DPEP1: variants seen among roughly 807,000 people sequenced by gnomAD.
The protein encoded by DPEP1 is beta-lactamase.
DPEP1 carries 50 observed loss-of-function variants against 42.3 expected under a neutral mutation model. The observed-to-expected ratio is 1.18, with a 90% CI of 0.94 to 1.50. The LOEUF (loss-of-function observed/expected upper bound fraction) is 1.50, where lower values mean the gene tolerates loss of function less well. Among genes scored for constraint, DPEP1 ranks in the 40% most tolerant of loss-of-function variants. The pLI is 0.00. For missense variants in DPEP1, 663 were observed against 553.0 expected (o/e 1.20, Z -1.99); for synonymous variants, 297 against 234.0 (o/e 1.27, Z -2.46).
Position 89,617,539 on chromosome 16 carries a change from C to T in DPEP1, c.-107+3820C>T, listed in dbSNP as rs145835496. Among the ~76,000 whole-genome samples, 723 of 151,980 alleles carry T rather than the reference C, an allele frequency of 4.8e-3. 6 individuals carry two copies. The highest frequency in any genetic ancestry group is 0.014 in the African/African-American group (582 of 41,272). On this transcript the variant is annotated intron_variant, in intron 1 of 10. Transcript: ENST00000690203. ...AAAGGACAGGAGCCCACACCTGTGCCGGTCTGTGCCAGAAATGCTGGAAGG... is the reference window on the plus strand; with the variant it reads ...AAAGGACAGGAGCCCACACCTGTGCTGGTCTGTGCCAGAAATGCTGGAAGG...
Position 89,636,703 on chromosome 16 carries a change from A to T in DPEP1, c.521+20A>T, listed in dbSNP as rs1310850920. On this transcript the variant is annotated intron_variant, in intron 5 of 10. Coordinates refer to ENST00000690203, the MANE Select transcript of DPEP1 (RefSeq NM_001389466.1). ...GCCCTGGTGCGTGACTCCCCATGGG[A>T]GGCCCCCGGGCTGTGGTCAGGAGGG... is the stretch of plus-strand genomic sequence containing the variant. The T allele has an allele frequency of 1.7e-5, 28 of 1,611,166 alleles. No homozygotes were observed. Among genetic ancestry groups the T allele is most frequent in the Non-Finnish European group, 2.3e-5 (27 of 1,179,426 alleles).
rs574507767 is a variant in DPEP1, at chr16:89,638,281, C to T, written c.*59C>T. On this transcript the variant is annotated 3_prime_UTR_variant, in exon 11 of 11. Coordinates refer to ENST00000690203, the MANE Select transcript of DPEP1 (RefSeq NM_001389466.1). ...CGGAGCTCCGGGAAGACCCGCCCATCCCAGGACTCCAGATGCCAGGAGCCC... is the reference window on the plus strand; with the variant it reads ...CGGAGCTCCGGGAAGACCCGCCCATTCCAGGACTCCAGATGCCAGGAGCCC... 4 of 1,479,824 alleles carry T rather than the reference C, an allele frequency of 2.7e-6. No individual in the cohort carries two copies. The highest frequency in any genetic ancestry group is 2.8e-5 in the African/African-American group (2 of 70,652). 91.7% of individuals were successfully genotyped at this position (1,479,824 alleles called of 1,614,324 possible).
chr16:89,615,961 C>T lies in DPEP1; in HGVS notation c.-107+2242C>T, dbSNP rs144074663. 3.3e-3 allele frequency among the ~76,000 whole-genome samples: 504 copies of T among 152,212 alleles called. 1 individual carries two copies. The highest frequency in any genetic ancestry group is 5.5e-3 in the Non-Finnish European group (374 of 67,994). ...AGGCGCAGGGCTCAGGCGTCCCCTA[C>T]GTGTCGTGTCCCCAGGCAGGAGAAT... is the stretch of plus-strand genomic sequence containing the variant. On this transcript the variant is annotated intron_variant, in intron 1 of 10. Transcript: ENST00000690203.
rs754660029 is a variant in DPEP1, at chr16:89,636,283, C to T, written c.257C>T (p.Pro86Leu). Residue 86 changes from proline to leucine, a missense_variant, in exon 4 of 11, where the codon CCC becomes CTC. Physicochemically the swap from Pro to Leu is moderately conservative, Grantham distance 98. Transcript: ENST00000690203. ...VGGQFWSVYT[P>L]CDTQNKDAVR... Reference sequence around the variant, plus strand: ...CCACAGTTCTGGTCCGTGTACACGCCCTGCGACACCCAGAACAAAGACGCC... The same window carrying T: ...CCACAGTTCTGGTCCGTGTACACGCTCTGCGACACCCAGAACAAAGACGCC... 2 of 1,610,606 alleles carry T rather than the reference C, an allele frequency of 1.2e-6. No individual in the cohort carries two copies. Among genetic ancestry groups the T allele is most frequent in the Admixed American group, 1.7e-5 (1 of 59,688 alleles).
At chr16:89,638,692 GCA>G (rs56372832), downstream of DPEP1, among the ~76,000 whole-genome samples, 779 of 71,680 alleles carry the variant, frequency 0.011, 12 homozygotes, top group Middle Eastern at 0.066. Flanking sequence ...CCCCACCCCT[GCA>G]CACACACACA....
intron 2 of DPEP1, among the ~76,000 whole-genome samples, chr16:89,632,198 C>T (rs113557107): frequency 3.3e-5 from 5 of 152,052 alleles, no homozygotes; most frequent in East Asian, 1.9e-4. Flanking sequence ...TACAGGCGCC[C>T]GCCACCAAGC....
chr16:89,637,600 C>G (rs752293853), intron 8 of DPEP1, 32 bp from the exon 9 acceptor site: 5 of 1,612,714 alleles, frequency 3.1e-6, no homozygotes, highest in South Asian at 1.1e-5. Context: ...GAGGGCCTCA[C>G]TCGGGACCCA....
intron 1 of DPEP1, 107 bp from the exon 2 acceptor site, chr16:89,630,197 AC>A: frequency 2.4e-6 from 1 of 417,372 alleles, no homozygotes; most frequent in Non-Finnish European, 4.4e-6. Context: ...CATCCTACCC[AC>A]CCTGGTGGGG....
chr16:89,615,952 C>T (rs895766592), intron 1 of DPEP1, among the ~76,000 whole-genome samples: 3 of 152,014 alleles, frequency 2.0e-5, no homozygotes, highest in East Asian at 1.9e-4. Context: ...AGGGCTCAGG[C>T]GTCCCCTACG....
chr16:89,626,710 T>G (rs1194567603), intron 1 of DPEP1, among the ~76,000 whole-genome samples: 1 of 150,828 alleles, frequency 6.6e-6, no homozygotes, highest in Non-Finnish European at 1.5e-5. Flanking sequence ...TCTCCCCCGC[T>G]GCCATTTAAG....
At chr16:89,641,153 G>A (rs1227473097), downstream of DPEP1, among the ~76,000 whole-genome samples, 1 of 152,246 alleles carries the variant, frequency 6.6e-6, no homozygotes, top group Non-Finnish European at 1.5e-5. Flanking sequence ...GGAACATGAA[G>A]GCGGACTGGG....
At position 89,638,378 on chromosome 16, in the gene DPEP1, G is replaced by A; in HGVS notation, c.*156G>A. On this transcript the variant is annotated 3_prime_UTR_variant, in exon 11 of 11. Coordinates refer to ENST00000690203, the MANE Select transcript of DPEP1 (RefSeq NM_001389466.1). The stretch of plus-strand genomic sequence containing the variant: ...CTTACCTGGGGGGCAGGATGCCTGG[G>A]GACAGTTCAGGACACACACACAGTA... 1.4e-6 allele frequency: 2 copies of A among 1,410,112 alleles called. No individual in the cohort carries two copies. Among genetic ancestry groups the A allele is most frequent in the Non-Finnish European group, 1.8e-6 (2 of 1,088,158 alleles). 87.3% of individuals were successfully genotyped at this position (1,410,112 alleles called of 1,614,324 possible). A position where few individuals can be genotyped will look rare whatever the true frequency, so the allele number is the denominator to read the frequency against.
At chr16:89,632,170 C>T (rs570092012) in intron 2 of DPEP1, among the ~76,000 whole-genome samples, 1 of 152,306 alleles carries the variant, frequency 6.6e-6, no homozygotes, top group South Asian at 2.1e-4. Context: ...CTGCCTCAGC[C>T]TCCTGAGTAG....
Position 89,638,165 on chromosome 16 carries a change from C to T in DPEP1, c.1179C>T (p.His393=). 6.2e-7 allele frequency: 1 copy of T among 1,606,080 alleles called. No individual in the cohort carries two copies. The highest frequency in any genetic ancestry group is 8.5e-7 in the Non-Finnish European group (1 of 1,175,358). The part of the protein sequence containing the change: ...YSSGASSLHR[H]WGLLLASLAP... ...CTGGGGCTTCCAGCCTCCATCGCCA[C>T]TGGGGGCTCCTGCTGGCCTCCCTCG... The change falls in exon 11 of 11, where the codon CAC becomes CAT. Residue 393 remains histidine, a synonymous_variant. Transcript: ENST00000690203.
At chr16:89,635,822 G>A in intron 2 of DPEP1, 86 bp from the exon 3 acceptor site, 1 of 1,473,372 alleles carries the variant, frequency 6.8e-7, no homozygotes, top group Non-Finnish European at 9.0e-7. Flanking sequence ...AGGAAGTGGG[G>A]AGAGCAGCCC....
intron 1 of DPEP1, among the ~76,000 whole-genome samples, chr16:89,623,672 G>A (rs1269374164): frequency 2.0e-5 from 3 of 152,052 alleles, no homozygotes; most frequent in African/African-American, 4.8e-5. Context: ...AAGAAAACAC[G>A]AAAGAACCGT....
chr16:89,621,005 G>A (rs1177487020), intron 1 of DPEP1, among the ~76,000 whole-genome samples: 1 of 152,196 alleles, frequency 6.6e-6, no homozygotes, highest in Non-Finnish European at 1.5e-5. Flanking sequence ...GAACCGGGTG[G>A]GGGGCCTCAG....
intron 2 of DPEP1, among the ~76,000 whole-genome samples, chr16:89,632,946 G>T (rs2059608362): frequency 6.6e-6 from 1 of 152,148 alleles, no homozygotes; most frequent in Admixed American, 6.5e-5. Context: ...GAAAGGAGGG[G>T]CTGCAGGAGG....
intron 1 of DPEP1, among the ~76,000 whole-genome samples, chr16:89,615,267 G>A (rs990029339): frequency 3.9e-5 from 6 of 152,204 alleles, no homozygotes; most frequent in African/African-American, 7.2e-5. Flanking sequence ...GCCCCAAAGC[G>A]GCCTCTCAGA....
Sources: allele counts gnomAD v4.1 joint callset (sites outside exome capture counted in the v4.1 genomes callset), GRCh38; gene constraint gnomAD v4.1.1; transcripts MANE v1.5; gene names NCBI Gene and HGNC (gene_info 2026-07-23, HGNC 2026-07-21).